SYCP2L: variants seen among roughly 807,000 people sequenced by gnomAD.
The protein encoded by SYCP2L is synaptonemal complex protein 2 like, also known as synaptonemal complex protein 2-like.
SYCP2L carries 98 observed loss-of-function variants against 125.8 expected under a neutral mutation model. The ratio of observed to expected loss-of-function variants is 0.78; its 90% CI spans 0.66 to 0.92. The LOEUF (loss-of-function observed/expected upper bound fraction) is 0.92, where lower values mean the gene tolerates loss of function less well. Among genes scored for constraint, SYCP2L ranks in the 40% least tolerant of loss-of-function variants. The pLI, the probability that SYCP2L is intolerant of heterozygous loss-of-function variation, is 0.00. For missense variants in SYCP2L, 842 were observed against 936.4 expected, an observed-to-expected ratio of 0.90 and a Z score of 1.32; for synonymous variants, 317 against 325.4, an observed-to-expected ratio of 0.97 and a Z score of 0.28.
intron 29 of SYCP2L, among the ~76,000 whole-genome samples, chr6:10,968,613 A>G (rs758065007): frequency 2.0e-5 from 3 of 152,214 alleles, no homozygotes; most frequent in Non-Finnish European, 4.4e-5. Flanking sequence ...ATTTTCTTCC[A>G]GAAGAGGCTG....
intron 17 of SYCP2L, among the ~76,000 whole-genome samples, chr6:10,928,068 C>T (rs916944895): frequency 6.6e-6 from 1 of 151,956 alleles, no homozygotes; most frequent in African/African-American, 2.4e-5. Context: ...TTCAAGGTGC[C>T]CAGATTTCAT....
At chr6:10,896,665 G>A (rs1780264337) in intron 4 of SYCP2L, among the ~76,000 whole-genome samples, 1 of 152,156 alleles carries the variant, frequency 6.6e-6, no homozygotes, top group Non-Finnish European at 1.5e-5. Context: ...TGAGACAAAA[G>A]AAACCTTACT....
intron 25 of SYCP2L, among the ~76,000 whole-genome samples, chr6:10,957,331 G>A (rs1687875594): frequency 6.6e-6 from 1 of 152,162 alleles, no homozygotes; most frequent in Admixed American, 6.5e-5. Flanking sequence ...GTGAATTGTG[G>A]TTTGTATTTA....
chr6:10,899,741 C>G (rs776545711), intron 6 of SYCP2L, among the ~76,000 whole-genome samples: 5 of 152,184 alleles, frequency 3.3e-5, no homozygotes, highest in Non-Finnish European at 7.3e-5. Flanking sequence ...TGAGGAAATT[C>G]AGTACCAGAA....
intron 14 of SYCP2L, among the ~76,000 whole-genome samples, chr6:10,920,314 T>C (rs1423940670): frequency 6.6e-6 from 1 of 152,184 alleles, no homozygotes; most frequent in Non-Finnish European, 1.5e-5. Flanking sequence ...GCCTCCTGTG[T>C]TCAAACGATT....
intron 4 of SYCP2L, 120 bp from the exon 5 acceptor site, chr6:10,897,891 G>C: frequency 1.4e-6 from 1 of 698,856 alleles, no homozygotes. Context: ...CATTGAAATG[G>C]AATGGAATGG....
intron 26 of SYCP2L, among the ~76,000 whole-genome samples, chr6:10,959,536 A>C (rs1013570470): frequency 6.6e-6 from 1 of 152,324 alleles, no homozygotes; most frequent in Non-Finnish European, 1.5e-5. Flanking sequence ...AAAAATGGTT[A>C]AAAGGGTATA....
chr6:10,911,743 A>G (rs1561684825), intron 12 of SYCP2L, among the ~76,000 whole-genome samples: 1 of 152,066 alleles, frequency 6.6e-6, no homozygotes, highest in Non-Finnish European at 1.5e-5. Flanking sequence ...AGGAACATGT[A>G]TTGTGGGTGA....
At chr6:10,910,969 G>C (rs1780596565) in intron 12 of SYCP2L, 100 bp downstream of exon 12, 1 of 1,316,710 alleles carries the variant, frequency 7.6e-7, no homozygotes. Context: ...TAACTCAAAA[G>C]GGCTTTTTAA....
At chr6:10,895,601 CA>C (rs1780243831) in intron 4 of SYCP2L, among the ~76,000 whole-genome samples, 1 of 146,156 alleles carries the variant, frequency 6.8e-6, no homozygotes, top group Non-Finnish European at 1.5e-5. Context: ...GGGCATCTAA[CA>C]AAGGCAAAAA....
At chr6:10,895,794 A>G (rs768162248) in intron 4 of SYCP2L, among the ~76,000 whole-genome samples, 2 of 151,648 alleles carry the variant, frequency 1.3e-5, no homozygotes, top group African/African-American at 2.4e-5. Flanking sequence ...GGCCAACTCT[A>G]TACTTCTAAA....
intron 1 of SYCP2L, among the ~76,000 whole-genome samples, chr6:10,888,937 C>T (rs968957271): frequency 3.3e-5 from 5 of 152,176 alleles, no homozygotes; most frequent in African/African-American, 1.2e-4. Flanking sequence ...TCTCGGCTCA[C>T]TGCAACCTCC....
chr6:10,898,926 A>G, intron 6 of SYCP2L, 78 bp downstream of exon 6: 1 of 947,410 alleles, frequency 1.1e-6, no homozygotes, highest in Non-Finnish European at 1.7e-6. Context: ...AAGAAAAATG[A>G]TATGTAAAAG....
chr6:10,893,282 G>A (rs769759367), intron 2 of SYCP2L, among the ~76,000 whole-genome samples: 6 of 152,218 alleles, frequency 3.9e-5, no homozygotes, highest in South Asian at 2.1e-4. Context: ...ACAGGCGTGC[G>A]CCACTGCACC....
chr6:10,935,311 A>G (rs1781072898), intron 21 of SYCP2L, 124 bp downstream of exon 21: 3 of 1,017,956 alleles, frequency 2.9e-6, no homozygotes, highest in Non-Finnish European at 4.3e-6. Flanking sequence ...ATTGTTCTTT[A>G]CCTTAATGTC....
chr6:10,942,750 A>G lies in SYCP2L; in HGVS notation c.1954+4A>G, dbSNP rs1321851971. ...CTGAGAAACTTGGAAGACAAAGGTAAGAGAATAGTACTTTTTTTTTTTTTT... is the reference window on the plus strand; with the variant it reads ...CTGAGAAACTTGGAAGACAAAGGTAGGAGAATAGTACTTTTTTTTTTTTTT... On this transcript the variant is annotated splice_donor_region_variant and intron_variant, in intron 23 of 29. Coordinates refer to ENST00000283141, the MANE Select transcript of SYCP2L (RefSeq NM_001040274.3). 5 of 1,596,750 alleles carry G rather than the reference A, an allele frequency of 3.1e-6. No homozygotes were observed. Among genetic ancestry groups the G allele is most frequent in the South Asian group, 2.2e-5 (2 of 89,088 alleles).
chr6:10,897,877 G>C (rs570558161), intron 4 of SYCP2L, 134 bp from the exon 5 acceptor site: 59 of 643,934 alleles, frequency 9.2e-5, no homozygotes, highest in Admixed American at 8.6e-4. Flanking sequence ...TCAGAGCCAG[G>C]CCTCATTGAA....
rs70991066 is a variant in SYCP2L, at chr6:10,888,066, CTTTTTTTTTTTTTTTTTTTTTTTTTTT to C, written c.9+953_9+979del. Among the ~76,000 whole-genome samples, 94 of 74,362 alleles carry C rather than the reference CTTTTTTTTTTTTTTTTTTTTTTTTTTT, an allele frequency of 1.3e-3. 1 individual carries two copies. The highest frequency in any genetic ancestry group is 4.0e-3 in the South Asian group (8 of 1,988). The allele number at this position is 74,362 out of a possible 152,430, so 48.8% of individuals were successfully genotyped here. On this transcript the variant is annotated intron_variant, in intron 1 of 29. Transcript: ENST00000283141. ...AATCCTTCCATATAGGTGTTACCAT[CTTTTTTTTTTTTTTTTTTTTTTTTTTT>C]TTTTTTTTTTTTTTTTTTTTTGAGA...
At chr6:10,895,571 C>T (rs1244860480) in intron 4 of SYCP2L, among the ~76,000 whole-genome samples, 1 of 151,514 alleles carries the variant, frequency 6.6e-6, no homozygotes, top group African/African-American at 2.4e-5. Flanking sequence ...ACTGATAACG[C>T]TTGCTACCGT....
Sources: gnomAD v4.1 joint callset for allele counts (sites outside exome capture counted in the v4.1 genomes callset) on GRCh38, gnomAD v4.1.1 for gene constraint, MANE v1.5 for transcripts, NCBI Gene and HGNC (gene_info 2026-07-23, HGNC 2026-07-21) for gene names.